Variants in DUSP13A observed in about 807,000 individuals in gnomAD.
DUSP13A encodes dual specificity phosphatase 13A.
chr10:75,108,256 C>T, the DUSP13A span: 1 of 1,548,232 alleles, frequency 6.5e-7, no homozygotes, highest in Non-Finnish European at 8.7e-7. Context: ...GCCATGGGAC[C>T]AGGAGGGAGG....
At chr10:75,106,940 A>G in the DUSP13A span, among the ~76,000 whole-genome samples, 1 of 152,236 alleles carries the variant, frequency 6.6e-6, no homozygotes, top group Admixed American at 6.5e-5. Flanking sequence ...ACAGTGAGGG[A>G]CACAGCTGTC....
chr10:75,107,626 G>C, the DUSP13A span, among the ~76,000 whole-genome samples: 1 of 152,120 alleles, frequency 6.6e-6, no homozygotes, highest in Non-Finnish European at 1.5e-5. Flanking sequence ...GCCCAGGCTA[G>C]AGTGAAGTGG....
At chr10:75,108,262 G>A in the DUSP13A span, 1 of 1,540,494 alleles carries the variant, frequency 6.5e-7, no homozygotes, top group African/African-American at 1.4e-5. Context: ...GGACCAGGAG[G>A]GAGGCTGTGC....
chr10:75,108,856 A>C, the DUSP13A span, among the ~76,000 whole-genome samples: 1 of 152,144 alleles, frequency 6.6e-6, no homozygotes, highest in African/African-American at 2.4e-5. Context: ...CACTGACCTC[A>C]GCACCCCCGG....
At chr10:75,106,470 G>A in the DUSP13A span, among the ~76,000 whole-genome samples, 3 of 152,064 alleles carry the variant, frequency 2.0e-5, no homozygotes, top group African/African-American at 4.8e-5. Flanking sequence ...GCTGAGACAC[G>A]GCTTCCTCCA....
chr10:75,107,248 T>C, the DUSP13A span, among the ~76,000 whole-genome samples: 1 of 151,414 alleles, frequency 6.6e-6, no homozygotes, highest in Non-Finnish European at 1.5e-5. Context: ...GACACGAAAA[T>C]TGCTTGAAGC....
At chr10:75,106,203 A>G in the DUSP13A span, among the ~76,000 whole-genome samples, 1 of 150,692 alleles carries the variant, frequency 6.6e-6, no homozygotes, top group Non-Finnish European at 1.5e-5. Flanking sequence ...TGGCCTCCCA[A>G]AGTGTTGGGA....
At chr10:75,107,350 A>G in the DUSP13A span, among the ~76,000 whole-genome samples, 1 of 151,920 alleles carries the variant, frequency 6.6e-6, no homozygotes, top group Non-Finnish European at 1.5e-5. Flanking sequence ...GTCTCAGAAA[A>G]AAAAAAAAAA....
the DUSP13A span, chr10:75,105,967 G>A: frequency 5.3e-6 from 6 of 1,129,234 alleles, no homozygotes; most frequent in Non-Finnish European, 7.7e-6. Context: ...TGCCTTGGGT[G>A]CACTCTGTGA....
At chr10:75,107,413 C>G in the DUSP13A span, among the ~76,000 whole-genome samples, 2 of 152,014 alleles carry the variant, frequency 1.3e-5, no homozygotes, top group African/African-American at 4.8e-5. Context: ...GGTGCTTTCC[C>G]AAAGTTGAGT....
chr10:75,106,092 CTTTCT>C, the DUSP13A span, among the ~76,000 whole-genome samples: 22 of 137,690 alleles, frequency 1.6e-4, no homozygotes, highest in African/African-American at 2.5e-4. Flanking sequence ...TTTTTCTTTT[CTTTCT>C]TTTCTTTTTT....
chr10:75,109,065 C>T, the DUSP13A span: 1 of 1,612,444 alleles, frequency 6.2e-7, no homozygotes, highest in African/African-American at 1.3e-5. Flanking sequence ...AAGAAGACTT[C>T]CCTGCCCGCA....
the DUSP13A span, chr10:75,108,079 G>A: frequency 6.2e-7 from 1 of 1,613,904 alleles, no homozygotes; most frequent in Middle Eastern, 1.7e-4. Flanking sequence ...TCGTGGGCTG[G>A]CACCCCCAGG....
the DUSP13A span, chr10:75,108,309 T>A: frequency 6.7e-7 from 1 of 1,486,204 alleles, no homozygotes; most frequent in Non-Finnish European, 8.9e-7. Context: ...GCCATTAGGG[T>A]CCAAAGAGAG....
At chr10:75,107,775 C>T in the DUSP13A span, among the ~76,000 whole-genome samples, 88 of 152,276 alleles carry the variant, frequency 5.8e-4, no homozygotes, top group South Asian at 1.5e-3. Context: ...CGAGGTTTCA[C>T]CGTGTTGGCC....
At chr10:75,105,940 A>G in the DUSP13A span, 3 of 1,439,024 alleles carry the variant, frequency 2.1e-6, no homozygotes, top group East Asian at 7.5e-5. Flanking sequence ...TGGGGACCCA[A>G]GTTCCTTTCC....
At chr10:75,109,004 C>A in the DUSP13A span, 1 of 1,598,424 alleles carries the variant, frequency 6.3e-7, no homozygotes, top group Non-Finnish European at 8.5e-7. Flanking sequence ...CCAGCTACCA[C>A]TCACGCATCT....
At chr10:75,107,324 G>T in the DUSP13A span, among the ~76,000 whole-genome samples, 1 of 150,910 alleles carries the variant, frequency 6.6e-6, no homozygotes, top group Non-Finnish European at 1.5e-5. Context: ...TCCAGCTTGG[G>T]TAGCACTGAG....
At chr10:75,108,239 C>A in the DUSP13A span, 1 of 1,566,652 alleles carries the variant, frequency 6.4e-7, no homozygotes, top group Non-Finnish European at 8.6e-7. Context: ...CACTTGATGC[C>A]GGCCAAGCCA....
Sources: allele counts gnomAD v4.1 joint callset (sites outside exome capture counted in the v4.1 genomes callset), GRCh38; gene constraint gnomAD v4.1.1; transcripts MANE v1.5; gene names NCBI Gene and HGNC (gene_info 2026-07-23, HGNC 2026-07-21).